The following ARL10 variants were observed in gnomAD, a reference collection of about 807,000 sequenced individuals.
The protein encoded by ARL10 is ARF like GTPase 10, also known as ADP-ribosylation factor-like protein 10.
A neutral mutation model predicts 26.1 loss-of-function variants in ARL10; 23 were observed. That is an observed-to-expected ratio of 0.88 (90% CI 0.63 to 1.25). The LOEUF (loss-of-function observed/expected upper bound fraction) is 1.25, where lower values mean the gene tolerates loss of function less well. Ranked by LOEUF, ARL10 falls within the 50% of genes most tolerant of loss-of-function variation. ARL10 has a pLI of 0.00. For missense variants in ARL10, 300 were observed against 323.6 expected, an observed-to-expected ratio of 0.93 and a Z score of 0.56; for synonymous variants, 138 against 149.1, an observed-to-expected ratio of 0.93 and a Z score of 0.54.
chr5:176,393,042 G>A, downstream of ARL10: 2 of 1,353,228 alleles, frequency 1.5e-6, no homozygotes, highest in Non-Finnish European at 2.1e-6. The surrounding 1 kb of genome is among the most constrained non-coding windows in gnomAD (Gnocchi z 4.4). Flanking sequence ...CTGGGGCACT[G>A]TGTCCTCCCC....
the ARL10 span, among the ~76,000 whole-genome samples, chr5:176,411,903 G>A: frequency 4.6e-5 from 7 of 152,188 alleles, no homozygotes; most frequent in Non-Finnish European, 8.8e-5. Context: ...TGGGCCGGGC[G>A]TGGTGGCTTA....
downstream of ARL10, chr5:176,384,230 G>T (rs754403680): frequency 3.1e-6 from 5 of 1,614,054 alleles, no homozygotes; most frequent in Non-Finnish European, 4.2e-6. Context: ...ATGTAAACCA[G>T]TCACTCCACC....
At chr5:176,392,702 C>T (rs1415074847), downstream of ARL10, 1 of 1,558,572 alleles carries the variant, frequency 6.4e-7, no homozygotes, top group East Asian at 2.3e-5. The surrounding 1 kb of genome is among the most constrained non-coding windows in gnomAD (Gnocchi z 5.2). Context: ...GAGTCTCCAC[C>T]CCGACCAAAG....
intron 3 of ARL10, among the ~76,000 whole-genome samples, chr5:176,369,596 G>A (rs971751341): frequency 1.3e-5 from 2 of 152,156 alleles, no homozygotes; most frequent in African/African-American, 2.4e-5. Context: ...AGTATGGGAT[G>A]CTATTCCCAT....
chr5:176,388,941 G>C (rs1756133493), downstream of ARL10: 1 of 1,614,160 alleles, frequency 6.2e-7, no homozygotes. Flanking sequence ...AAGTTCGTTC[G>C]CAAGACCCGC....
chr5:176,413,902 G>C, the ARL10 span, among the ~76,000 whole-genome samples: 57 of 152,252 alleles, frequency 3.7e-4, no homozygotes, highest in African/African-American at 1.4e-3. Flanking sequence ...CTGTATCCCC[G>C]GCACCTCCCT....
At chr5:176,396,598 C>T in intron 1 of ARL10, 1 of 1,161,572 alleles carries the variant, frequency 8.6e-7, no homozygotes, top group South Asian at 1.3e-5. Context: ...GACAGGCAGG[C>T]AGAAGGTTAG....
Position 176,368,868 on chromosome 5 carries a change from G to C in ARL10, c.447G>C (p.Leu149=). ...AGTTTGTGAGCGAGGTGGATGTGCT[G>C]GTGTTTGTGGTGGACTCGGCTGACC... The part of the protein sequence containing the change: ...WKEFVSEVDV[L]VFVVDSADRL... The change falls in exon 3 of 4, where the codon CTG becomes CTC. Residue 149 remains leucine (L), a synonymous_variant. Coordinates refer to ENST00000310389, the MANE Select transcript of ARL10 (RefSeq NM_173664.6). This position sits in a 1 kb window ranked among gnomAD's most constrained non-coding sequence, Gnocchi z 4.1. The C allele has an allele frequency of 6.2e-7, 1 of 1,614,210 alleles. No homozygotes were observed.
At chr5:176,394,615 G>T (rs58339606) in intron 1 of ARL10, among the ~76,000 whole-genome samples, 28 of 151,576 alleles carry the variant, frequency 1.8e-4, no homozygotes, top group Non-Finnish European at 2.2e-4. Flanking sequence ...CAGATGGAGA[G>T]CATCCTGGCT....
At chr5:176,405,774 A>T (rs1757084874), downstream of ARL10, 1 of 151,768 alleles carries the variant, frequency 6.6e-6, no homozygotes, top group Non-Finnish European at 1.5e-5. Context: ...CACTCACTGG[A>T]CTCGCGACCT....
chr5:176,372,840 G>C lies in ARL10; in HGVS notation c.*945G>C, dbSNP rs1768586694. 1 of 398,636 alleles carries C rather than the reference G, an allele frequency of 2.5e-6. No individual in the cohort carries two copies. The allele number at this position is 398,636 out of a possible 1,614,324, so 24.7% of individuals were successfully genotyped here. A position where few individuals can be genotyped will look rare whatever the true frequency, so the allele number is the denominator to read the frequency against. ...AGAACAGGCCAGAGTTCTAGGCTCT[G>C]TTTCTAGGTGCTGTTTTCAAAACCC... On this transcript the variant is annotated 3_prime_UTR_variant, in exon 4 of 4. Coordinates refer to ENST00000310389, the MANE Select transcript of ARL10 (RefSeq NM_173664.6).
chr5:176,383,494 G>A (rs1326238318), downstream of ARL10, among the ~76,000 whole-genome samples: 1 of 152,232 alleles, frequency 6.6e-6, no homozygotes, highest in Non-Finnish European at 1.5e-5. Flanking sequence ...GTGGGATTCA[G>A]CAGTCCACCA....
Position 176,372,798 on chromosome 5 carries a change from T to C in ARL10, c.*903T>C. On this transcript the variant is annotated 3_prime_UTR_variant, in exon 4 of 4. Transcript: ENST00000310389. The stretch of plus-strand genomic sequence containing the variant: ...GTGTTGACCTCAGAACTGCATTTTA[T>C]TTATTAATTTATAAGCAGAACAGGC... 2.5e-6 allele frequency: 1 copy of C among 398,088 alleles called. No individual in the cohort carries two copies. The allele number at this position is 398,088 out of a possible 1,614,324, so 24.7% of individuals were successfully genotyped here. A position where few individuals can be genotyped will look rare whatever the true frequency, so the allele number is the denominator to read the frequency against.
chr5:176,393,627 G>A (rs187290561), downstream of ARL10, among the ~76,000 whole-genome samples: 804 of 152,246 alleles, frequency 5.3e-3, 5 homozygotes, highest in African/African-American at 0.018. This position sits in a 1 kb window ranked among gnomAD's most constrained non-coding sequence, Gnocchi z 4.4. Context: ...TTGTAGCCCA[G>A]AACCACCACT....
downstream of ARL10, chr5:176,388,696 G>A: frequency 1.4e-6 from 2 of 1,416,612 alleles, no homozygotes; most frequent in South Asian, 1.3e-5. Flanking sequence ...ACGACTCCCA[G>A]GATGCAACGA....
Position 176,365,515 on chromosome 5 carries a change from G to A in ARL10, c.-49G>A. The A allele has an allele frequency of 1.1e-5, 13 of 1,208,052 alleles. No homozygotes were observed. The highest frequency in any genetic ancestry group is 1.3e-5 in the Non-Finnish European group (13 of 971,038). The allele number at this position is 1,208,052 out of a possible 1,614,324, so 74.8% of individuals were successfully genotyped here. Reference sequence around the variant, plus strand: ...CGCAGCGGGGCCATCTTCGGCGGGCGAGTGGGCTCGGCCTGTGCAACCCGC... The same window carrying A: ...CGCAGCGGGGCCATCTTCGGCGGGCAAGTGGGCTCGGCCTGTGCAACCCGC... On this transcript the variant is annotated 5_prime_UTR_variant, in exon 1 of 4. Transcript: ENST00000310389.
chr5:176,389,293 C>T, downstream of ARL10: 3 of 1,589,118 alleles, frequency 1.9e-6, no homozygotes, highest in Non-Finnish European at 2.6e-6. Flanking sequence ...CTGCGGGGCC[C>T]GACCTGCTGT....
chr5:176,367,843 C>G, intron 2 of ARL10: 1 of 502,280 alleles, frequency 2.0e-6, no homozygotes, highest in Non-Finnish European at 3.9e-6. Context: ...TTATTTCTTT[C>G]CTTTTTGAAA....
chr5:176,388,349 G>A (rs1265492902), exon 2 of ARL10: 1 of 1,613,778 alleles, frequency 6.2e-7, no homozygotes, highest in Non-Finnish European at 8.5e-7. Flanking sequence ...GGGAGCTACC[G>A]GCAAAGAGAG....
Sources: allele counts gnomAD v4.1 joint callset (sites outside exome capture counted in the v4.1 genomes callset), GRCh38; gene constraint gnomAD v4.1.1; non-coding constraint Gnocchi (gnomAD v3.1); transcripts MANE v1.5; gene names NCBI Gene and HGNC (gene_info 2026-07-23, HGNC 2026-07-21).